The following ZNF251 variants were observed in gnomAD, a reference collection of about 807,000 sequenced individuals.
The protein encoded by ZNF251 is zinc finger protein 251.
Under a neutral mutation model 13.5 loss-of-function variants are expected in ZNF251, and 14 were observed. The ratio of observed to expected loss-of-function variants is 1.04; its 90% confidence interval spans 0.69 to 1.63. The LOEUF (loss-of-function observed/expected upper bound fraction) is 1.63. Among genes scored for constraint, ZNF251 ranks in the 40% most tolerant of loss-of-function variants. The pLI is 0.00. For synonymous variants in ZNF251, 287 were observed against 295.2 expected, an observed-to-expected ratio of 0.97 and a Z score of 0.28; for missense variants, 764 against 834.9, an observed-to-expected ratio of 0.92 and a Z score of 1.05.
In ZNF251 at chr8:144,754,340, G is replaced by A. The variant is rs1396005720; in HGVS notation, c.34-19C>T. ...GCATCTCCTGCAACAAAACATCGCC[G>A]CTGCCCAGGCCATGCCCACGGGGCA... On this transcript the variant is annotated intron_variant, in intron 2 of 4. Transcript: ENST00000292562. 4 of 1,584,878 alleles carry A rather than the reference G, an allele frequency of 2.5e-6. No individual in the cohort carries two copies. In the South Asian group the frequency reaches 3.4e-5, roughly 14 times the overall value.
At chr8:144,737,247 A>G (rs957226747) in intron 4 of ZNF251, among the ~76,000 whole-genome samples, 1 of 150,866 alleles carries the variant, frequency 6.6e-6, no homozygotes, top group African/African-American at 2.4e-5. Context: ...ACAGGTGCTC[A>G]CTACCACACC....
chr8:144,746,414 A>T (rs1333975111), intron 4 of ZNF251, among the ~76,000 whole-genome samples: 2 of 152,184 alleles, frequency 1.3e-5, no homozygotes, highest in African/African-American at 4.8e-5. Flanking sequence ...GGATTTTTGC[A>T]TTTATGTTCA....
At position 144,722,659 on chromosome 8, in the gene ZNF251, G is replaced by A; in HGVS notation, c.1001C>T (p.Pro334Leu). 1 of 1,614,118 alleles carries A rather than the reference G, an allele frequency of 6.2e-7. No homozygotes were observed. The highest frequency in any genetic ancestry group is 8.5e-7 in the Non-Finnish European group (1 of 1,180,000). Residue 334 changes from proline to leucine, a missense_variant, in exon 5 of 5, where the codon CCC becomes CTC. Pro to Leu is a moderately conservative substitution (Grantham distance 98). Coordinates refer to ENST00000292562, the MANE Select transcript of ZNF251 (RefSeq NM_138367.2). This position sits in a 1 kb window ranked among gnomAD's most constrained non-coding sequence, Gnocchi z 4.8. ...AATTCTCTGATGCTGAGTTAACTGG[G>A]GGCTCTGGCTAAAGCCTCTTCCACA... is the stretch of plus-strand genomic sequence containing the variant. ...NECGRGFSQS[P>L]QLTQHQRIHT...
At chr8:144,755,205 G>A in intron 1 of ZNF251, 200 bp downstream of exon 1, 1 of 1,169,604 alleles carries the variant, frequency 8.5e-7, no homozygotes, top group Non-Finnish European at 1.1e-6. Flanking sequence ...GGAGAGGCCG[G>A]AAGCCAGCTG....
chr8:144,753,867 G>A, intron 3 of ZNF251, 71 bp from the exon 4 acceptor site: 1 of 1,204,140 alleles, frequency 8.3e-7, no homozygotes, highest in Admixed American at 2.3e-5. Context: ...TGGAGAGATG[G>A]GCCCTGTGTG....
At chr8:144,739,894 C>CAA (rs879266037) in intron 4 of ZNF251, among the ~76,000 whole-genome samples, 6 of 128,612 alleles carry the variant, frequency 4.7e-5, no homozygotes, top group African/African-American at 1.1e-4. Flanking sequence ...GGCTCTGTTT[C>CAA]AAAAAAAAAA....
chr8:144,732,793 C>T (rs972594691), intron 4 of ZNF251, among the ~76,000 whole-genome samples: 2 of 126,226 alleles, frequency 1.6e-5, no homozygotes, highest in African/African-American at 3.1e-5. Context: ...GCCTGGGCGA[C>T]AGAGCGAGAC....
Position 144,721,563 on chromosome 8 carries a change from A to G in ZNF251, c.*81T>C. 1 of 1,239,346 alleles carries G rather than the reference A, an allele frequency of 8.1e-7. No homozygotes were observed. The highest frequency in any genetic ancestry group is 1.0e-6 in the Non-Finnish European group (1 of 974,448). 76.8% of individuals were successfully genotyped at this position (1,239,346 alleles called of 1,614,324 possible). A position where few individuals can be genotyped will look rare whatever the true frequency, so the allele number is the denominator to read the frequency against. ...ATTTTACTTTGCCAGTAATATTTAG[A>G]CCTTATATATCTTTCATTATGCCAT... On this transcript the variant is annotated 3_prime_UTR_variant, in exon 5 of 5. Transcript: ENST00000292562.
intron 4 of ZNF251, among the ~76,000 whole-genome samples, chr8:144,735,081 A>T (rs796769935): frequency 2.8e-4 from 42 of 147,514 alleles, no homozygotes; most frequent in African/African-American, 7.2e-4. Context: ...TCAAAAAAAT[A>T]AAAAAAAAAG....
At chr8:144,729,360 A>G (rs537242813) in intron 4 of ZNF251, among the ~76,000 whole-genome samples, 5,750 of 145,642 alleles carry the variant, frequency 0.039, 181 homozygotes, top group Non-Finnish European at 0.058. Flanking sequence ...TTTGTGAGAT[A>G]GAGTCTTGCT....
intron 4 of ZNF251, among the ~76,000 whole-genome samples, chr8:144,745,890 C>G (rs1824404838): frequency 6.6e-6 from 1 of 152,056 alleles, no homozygotes; most frequent in African/African-American, 2.4e-5. Flanking sequence ...GTAAATCAAG[C>G]AGAGGACTGA....
intron 4 of ZNF251, among the ~76,000 whole-genome samples, chr8:144,726,194 C>CAAAAAAAAAAAAAAAAAA: frequency 1.9e-5 from 1 of 52,140 alleles, no homozygotes; most frequent in Non-Finnish European, 3.3e-5. Flanking sequence ...GACTCTGTCT[C>CAAAAAAAAAAAAAAAAAA]AAAAAAAAAA....
Position 144,755,460 on chromosome 8 carries a change from C to T in ZNF251, c.-131G>A. 2 of 1,287,774 alleles carry T rather than the reference C, an allele frequency of 1.6e-6. No individual in the cohort carries two copies. The highest frequency in any genetic ancestry group is 2.5e-5 in the South Asian group (2 of 80,964). 79.8% of individuals were successfully genotyped at this position (1,287,774 alleles called of 1,614,324 possible). A position where few individuals can be genotyped will look rare whatever the true frequency, so the allele number is the denominator to read the frequency against. Reference sequence around the variant, plus strand: ...GAAGCGCCGAGGAGCTGCGCAGTCGCACCGAGCCCGGAACGGACCCTCCCA... The same window carrying T: ...GAAGCGCCGAGGAGCTGCGCAGTCGTACCGAGCCCGGAACGGACCCTCCCA... On this transcript the variant is annotated 5_prime_UTR_variant, in exon 1 of 5. Transcript: ENST00000292562.
At chr8:144,737,824 C>T (rs1379906210) in intron 4 of ZNF251, among the ~76,000 whole-genome samples, 6 of 113,298 alleles carry the variant, frequency 5.3e-5, no homozygotes, top group South Asian at 6.4e-4. Flanking sequence ...GGCAACAGAG[C>T]GAGACTCTGT....
chr8:144,732,227 G>A (rs1292483820), intron 4 of ZNF251, among the ~76,000 whole-genome samples: 2 of 152,238 alleles, frequency 1.3e-5, no homozygotes, highest in African/African-American at 2.4e-5. Context: ...ACAGGTGTGA[G>A]CCACTGTGCC....
chr8:144,754,864 G>C, intron 1 of ZNF251, 61 bp from the exon 2 acceptor site: 2 of 1,477,400 alleles, frequency 1.4e-6, no homozygotes, highest in Non-Finnish European at 9.0e-7. Flanking sequence ...GGATGGCCAG[G>C]AGGCAGAAGC....
chr8:144,726,280 T>C (rs1423575073), intron 4 of ZNF251, among the ~76,000 whole-genome samples: 1 of 149,112 alleles, frequency 6.7e-6, no homozygotes, highest in Admixed American at 6.7e-5. Flanking sequence ...ACATCTGTTA[T>C]CCCAGCACTT....
rs929004707 is a variant in ZNF251 at position 144,734,727 on chromosome 8, A to C, written c.278-11345T>G. Among the ~76,000 whole-genome samples, 1 of 152,218 alleles carries C rather than the reference A, an allele frequency of 6.6e-6. No homozygotes were observed. The highest frequency in any genetic ancestry group is 1.5e-5 in the Non-Finnish European group (1 of 68,034). On this transcript the variant is annotated intron_variant, in intron 4 of 4. Transcript: ENST00000292562. The surrounding 1 kb of genome is among the most constrained non-coding windows in gnomAD (Gnocchi z 4.4). ...GGTCAAAATCACAGGAGACGGGCGA[A>C]TTAGAACTGGAGACCAAAATTCCTC...
chr8:144,745,020 C>T (rs533904375), intron 4 of ZNF251, among the ~76,000 whole-genome samples: 71 of 152,264 alleles, frequency 4.7e-4, no homozygotes, highest in Admixed American at 7.2e-4. Flanking sequence ...TGTGCTACAG[C>T]ACCCCAGCCT....
Sources: allele counts gnomAD v4.1 joint callset (sites outside exome capture counted in the v4.1 genomes callset), GRCh38; gene constraint gnomAD v4.1.1; non-coding constraint Gnocchi (gnomAD v3.1); transcripts MANE v1.5; gene names NCBI Gene and HGNC (gene_info 2026-07-23, HGNC 2026-07-21).